RUBCNL: variants seen among roughly 807,000 people sequenced by gnomAD.
RUBCNL encodes the protein rubicon like autophagy enhancer.
A neutral mutation model predicts 69.5 loss-of-function variants in RUBCNL; 62 were observed. That is an observed-to-expected ratio of 0.89 (90% CI 0.73 to 1.10). RUBCNL has a LOEUF of 1.10. Ranked by LOEUF, RUBCNL falls within the 50% of genes least tolerant of loss-of-function variation. The pLI, the probability that RUBCNL is intolerant of heterozygous loss-of-function variation, is 0.00. For missense variants in RUBCNL, 768 were observed against 798.1 expected (o/e 0.96, Z 0.45); for synonymous variants, 291 against 303.6 (o/e 0.96, Z 0.43).
At chr13:46,363,346 T>TG (rs1555253943) in intron 5 of RUBCNL, 133 bp from the exon 6 acceptor site, 2 of 347,552 alleles carry the variant, frequency 5.8e-6, no homozygotes, top group East Asian at 9.5e-5. Flanking sequence ...CATTTCAACT[T>TG]AAAGAATTAA....
At position 46,342,970 on chromosome 13, in the gene RUBCNL, G is replaced by T. The variant is rs887390016; in HGVS notation, c.*415C>A. On this transcript the variant is annotated 3_prime_UTR_variant, in exon 15 of 15. Transcript: ENST00000429979. Reference sequence around the variant, plus strand: ...AAAAGCCAGAGCAAACAGATTTGGGGTCATATTTTTGTTCACTGAAAGGAC... The same window carrying T: ...AAAAGCCAGAGCAAACAGATTTGGGTTCATATTTTTGTTCACTGAAAGGAC... 2 of 170,504 alleles carry T rather than the reference G, an allele frequency of 1.2e-5. No individual in the cohort carries two copies. The highest frequency in any genetic ancestry group is 4.8e-5 in the African/African-American group (2 of 42,096). 10.6% of individuals were successfully genotyped at this position (170,504 alleles called of 1,614,324 possible).
intron 12 of RUBCNL, among the ~76,000 whole-genome samples, chr13:46,346,414 CCTAA>C (rs35817368): frequency 0.14 from 21,776 of 152,076 alleles, 1,827 homozygotes; most frequent in Middle Eastern, 0.21. Context: ...CTATCTCACT[CCTAA>C]CTGAGCTAAA....
Position 46,372,604 on chromosome 13 carries a change from T to C in RUBCNL, c.-122-7A>G. On this transcript the variant is annotated splice_region_variant and splice_polypyrimidine_tract_variant and intron_variant, in intron 2 of 14. Coordinates refer to ENST00000429979, the MANE Select transcript of RUBCNL (RefSeq NM_025113.5). ...GGGGGTCTGGAGAGCTATTCTGCAATGAGCAAGGAATCATTCAAAATAAGT... is the reference window on the plus strand; with the variant it reads ...GGGGGTCTGGAGAGCTATTCTGCAACGAGCAAGGAATCATTCAAAATAAGT... 1.4e-6 allele frequency: 2 copies of C among 1,441,710 alleles called. No individual in the cohort carries two copies. Among genetic ancestry groups the C allele is most frequent in the Non-Finnish European group, 1.8e-6 (2 of 1,100,034 alleles). The allele number at this position is 1,441,710 out of a possible 1,614,324, so 89.3% of individuals were successfully genotyped here.
Position 46,363,174 on chromosome 13 carries a change from C to A in RUBCNL, c.866G>T (p.Arg289Leu). 6.3e-7 allele frequency: 1 copy of A among 1,599,284 alleles called. No homozygotes were observed. Among genetic ancestry groups the A allele is most frequent in the Non-Finnish European group, 8.5e-7 (1 of 1,172,910 alleles). ...AATCTCTTTCACATCATGGTAAGTA[C>A]GTGTTTCAGTCACTGGGCTGACCTG... The part of the protein sequence containing the change: ...VLQVSPVTET[R>L]TYHDVKEICK... The change falls in exon 6 of 15, where the codon CGT becomes CTT. Residue 289 changes from arginine (R) to leucine (L), a missense_variant. Coordinates refer to ENST00000429979, the MANE Select transcript of RUBCNL (RefSeq NM_025113.5).
At chr13:46,345,644 C>T (rs1000244009) in intron 12 of RUBCNL, 44 bp from the exon 13 acceptor site, 28 of 1,603,726 alleles carry the variant, frequency 1.7e-5, no homozygotes, top group African/African-American at 4.0e-5. Context: ...CCCACCCACA[C>T]AGAGGACAGG....
At chr13:46,372,914 T>C (rs755889376) in intron 2 of RUBCNL, among the ~76,000 whole-genome samples, 3 of 151,728 alleles carry the variant, frequency 2.0e-5, no homozygotes, top group Non-Finnish European at 2.9e-5. Context: ...TAAAATTAAA[T>C]GTCAAATCCA....
rs532944924 is a variant in RUBCNL at position 46,336,254 on chromosome 13, C to T, written c.*7131G>A. Among the ~76,000 whole-genome samples the T allele has an allele frequency of 6.6e-6, 1 of 152,242 alleles. No individual in the cohort carries two copies. The highest frequency in any genetic ancestry group is 2.1e-4 in the South Asian group (1 of 4,824). ...AGGAGCTTTGGGTACCAGGCAGCACCTCCATCATCAGACTCTACGAAGATG... is the reference window on the plus strand; with the variant it reads ...AGGAGCTTTGGGTACCAGGCAGCACTTCCATCATCAGACTCTACGAAGATG... On this transcript the variant is annotated 3_prime_UTR_variant, in exon 15 of 15. Transcript: ENST00000429979.
intron 12 of RUBCNL, among the ~76,000 whole-genome samples, chr13:46,348,346 T>C (rs1048520497): frequency 6.6e-6 from 1 of 152,196 alleles, no homozygotes; most frequent in African/African-American, 2.4e-5. Context: ...TATATGTATT[T>C]ACCACAATTT....
chr13:46,365,911 C>A (rs1366038667), intron 5 of RUBCNL, among the ~76,000 whole-genome samples: 2 of 152,144 alleles, frequency 1.3e-5, no homozygotes, highest in African/African-American at 4.8e-5. Context: ...GAAAATTAAA[C>A]CAAATCGGTA....
intron 10 of RUBCNL, among the ~76,000 whole-genome samples, chr13:46,354,202 T>C (rs567600828): frequency 6.6e-6 from 1 of 152,296 alleles, no homozygotes; most frequent in South Asian, 2.1e-4. Flanking sequence ...TGAAGGAGAC[T>C]AAGGAAAACA....
At chr13:46,344,440 T>C (rs1052935931) in intron 14 of RUBCNL, among the ~76,000 whole-genome samples, 1 of 152,056 alleles carries the variant, frequency 6.6e-6, no homozygotes, top group African/African-American at 2.4e-5. Context: ...GCATGAATGA[T>C]CCAATTACAA....
At position 46,343,399 on chromosome 13, in the gene RUBCNL, A is replaced by G. The variant is rs760255031; in HGVS notation, c.1975T>C (p.Ser659Pro). 1.2e-6 allele frequency: 2 copies of G among 1,613,618 alleles called. No homozygotes were observed. Among genetic ancestry groups the G allele is most frequent in the Middle Eastern group, 1.7e-4 (1 of 6,060 alleles). ...ACTCAGGGGCATCATGTTGCTGCAG[A>G]GGCCACACTTTCCAGAAGTTTTCTC... ...ARRKLLESVASAAT is the reference protein window; with the variant it reads ...ARRKLLESVAPAAT Residue 659 changes from serine to proline, a missense_variant, in exon 15 of 15, where the codon TCT becomes CCT. Coordinates refer to ENST00000429979, the MANE Select transcript of RUBCNL (RefSeq NM_025113.5).
intron 6 of RUBCNL, 89 bp from the exon 7 acceptor site, chr13:46,362,687 C>G: frequency 1.1e-6 from 1 of 874,522 alleles, no homozygotes; most frequent in Admixed American, 2.2e-5. Flanking sequence ...AAAATCACTC[C>G]CTGCATCTCA....
chr13:46,382,514 T>C (rs1307273529), intron 1 of RUBCNL, among the ~76,000 whole-genome samples: 1 of 152,120 alleles, frequency 6.6e-6, no homozygotes, highest in Non-Finnish European at 1.5e-5. Flanking sequence ...GACCCTACCC[T>C]AAGGAATCCA....
intron 13 of RUBCNL, 76 bp from the exon 14 acceptor site, chr13:46,344,907 T>C (rs2048212128): frequency 2.2e-6 from 2 of 917,186 alleles, no homozygotes; most frequent in Non-Finnish European, 3.5e-6. Context: ...CAGAACTTTA[T>C]AAACATCAGT....
At chr13:46,352,208 TATAAAAACTA>T (rs528256134) in intron 10 of RUBCNL, among the ~76,000 whole-genome samples, 62 of 152,262 alleles carry the variant, frequency 4.1e-4, no homozygotes, top group African/African-American at 1.5e-3. Context: ...AAACAAAAGG[TATAAAAACTA>T]ATGCAACAAA....
At chr13:46,349,474 C>A in intron 11 of RUBCNL, 127 bp from the exon 12 acceptor site, 2 of 854,618 alleles carry the variant, frequency 2.3e-6, no homozygotes, top group South Asian at 1.5e-5. Context: ...ACCTTGAAAG[C>A]AAACCGCCTA....
chr13:46,360,324 T>A (rs1189517042), intron 8 of RUBCNL, among the ~76,000 whole-genome samples: 2 of 151,884 alleles, frequency 1.3e-5, no homozygotes, highest in Admixed American at 1.3e-4. Flanking sequence ...GGCAACAGAG[T>A]GAGACTCCAT....
Position 46,336,816 on chromosome 13 carries a change from A to G in RUBCNL, c.*6569T>C, listed in dbSNP as rs2048107845. 6.6e-6 allele frequency among the ~76,000 whole-genome samples: 1 copy of G among 152,142 alleles called. No individual in the cohort carries two copies. Among genetic ancestry groups the G allele is most frequent in the Non-Finnish European group, 1.5e-5 (1 of 68,022 alleles). Reference sequence around the variant, plus strand: ...AAAATGTTGCTGTGAAGAAGATCATAGAGGTAGAACTGGAAAGGAATGTGA... The same window carrying G: ...AAAATGTTGCTGTGAAGAAGATCATGGAGGTAGAACTGGAAAGGAATGTGA... On this transcript the variant is annotated 3_prime_UTR_variant, in exon 15 of 15. Transcript: ENST00000429979.
Sources: allele counts gnomAD v4.1 joint callset (sites outside exome capture counted in the v4.1 genomes callset), GRCh38; gene constraint gnomAD v4.1.1; transcripts MANE v1.5; gene names NCBI Gene and HGNC (gene_info 2026-07-23, HGNC 2026-07-21).